EIF2AK4: variants seen among roughly 807,000 people sequenced by gnomAD.
EIF2AK4 encodes eukaryotic translation initiation factor 2 alpha kinase 4, also known as eIF-2-alpha kinase GCN2.
Under a neutral mutation model 211.1 loss-of-function variants are expected in EIF2AK4, and 139 were observed. That is an observed-to-expected ratio of 0.66 (90% CI 0.57 to 0.76). The LOEUF (loss-of-function observed/expected upper bound fraction) is 0.76, where lower values mean the gene tolerates loss of function less well. Among genes scored for constraint, EIF2AK4 ranks in the 30% least tolerant of loss-of-function variants. The pLI, the probability that EIF2AK4 is intolerant of heterozygous loss-of-function variation, is 0.00. For synonymous variants in EIF2AK4, 710 were observed against 751.3 expected, an observed-to-expected ratio of 0.94 and a Z score of 0.90; for missense variants, 1,664 against 2,043.8, an observed-to-expected ratio of 0.81 and a Z score of 3.58.
intron 30 of EIF2AK4, among the ~76,000 whole-genome samples, chr15:40,019,408 C>T (rs1019406937): frequency 2.6e-5 from 4 of 152,164 alleles, no homozygotes; most frequent in South Asian, 2.1e-4. Flanking sequence ...TCTAGCTGGA[C>T]GACCTTAGAC....
chr15:39,972,923 T>C lies in EIF2AK4; in HGVS notation c.1569T>C (p.Asp523=). 6.2e-7 allele frequency: 1 copy of C among 1,613,998 alleles called. No individual in the cohort carries two copies. Among genetic ancestry groups the C allele is most frequent in the Middle Eastern group, 1.6e-4 (1 of 6,062 alleles). The change falls in exon 10 of 39, where the codon GAT becomes GAC. Residue 523 remains aspartate (D), a synonymous_variant. Transcript: ENST00000263791. ...TCTCACCGAGATGTGTGTGCTTGGA[T>C]GACAAGGAAAGATGGAGTCCCCAGC... ...QDFLKKCVCL[D]DKERWSPQQL...
chr15:39,959,967 G>A (rs113826454), intron 6 of EIF2AK4, among the ~76,000 whole-genome samples: 1 of 152,098 alleles, frequency 6.6e-6, no homozygotes, highest in South Asian at 2.1e-4. Context: ...ATCGAGACCA[G>A]CCTGGCTAAC....
chr15:39,995,526 G>A (rs1048278962), intron 18 of EIF2AK4, among the ~76,000 whole-genome samples: 5 of 151,928 alleles, frequency 3.3e-5, no homozygotes, highest in African/African-American at 1.2e-4. Context: ...CTTCTCCTTC[G>A]TGGCACCCTA....
At chr15:39,939,047 T>G (rs2034107153) in intron 1 of EIF2AK4, among the ~76,000 whole-genome samples, 1 of 152,136 alleles carries the variant, frequency 6.6e-6, no homozygotes, top group South Asian at 2.1e-4. Flanking sequence ...GCTCGCAGAG[T>G]CCTTCACTGA....
At chr15:40,024,448 A>T (rs548793143) in intron 32 of EIF2AK4, among the ~76,000 whole-genome samples, 2 of 122,962 alleles carry the variant, frequency 1.6e-5, no homozygotes, top group Admixed American at 1.1e-4. Flanking sequence ...TTGCTCTGTC[A>T]CGCAGGCTGG....
intron 11 of EIF2AK4, 134 bp from the exon 12 acceptor site, chr15:39,976,280 G>A: frequency 1.1e-6 from 1 of 886,754 alleles, no homozygotes; most frequent in East Asian, 3.1e-5. Flanking sequence ...AAGAATTTCA[G>A]GCATGTGGTT....
chr15:39,936,505 C>G (rs890195615), intron 1 of EIF2AK4, among the ~76,000 whole-genome samples: 1 of 152,150 alleles, frequency 6.6e-6, no homozygotes, highest in Non-Finnish European at 1.5e-5. Context: ...CTCCACCTCC[C>G]AGGTTCAAGC....
At chr15:39,986,644 A>G (rs921606203) in intron 14 of EIF2AK4, among the ~76,000 whole-genome samples, 2 of 152,230 alleles carry the variant, frequency 1.3e-5, no homozygotes, top group Non-Finnish European at 2.9e-5. Context: ...ACCTGAGGTC[A>G]GGAGTTTGAG....
intron 27 of EIF2AK4, among the ~76,000 whole-genome samples, chr15:40,011,680 C>A (rs951088084): frequency 3.3e-5 from 5 of 152,150 alleles, no homozygotes; most frequent in African/African-American, 1.2e-4. Context: ...ACCAGTTGTC[C>A]TCTTTTGAAT....
chr15:40,017,773 C>T (rs1430262287), intron 29 of EIF2AK4, among the ~76,000 whole-genome samples: 8 of 151,632 alleles, frequency 5.3e-5, no homozygotes, highest in African/African-American at 1.9e-4. Context: ...TCTCAAACTC[C>T]TGAGCTCAAG....
At position 40,035,265 on chromosome 15, in the gene EIF2AK4, T is replaced by G; in HGVS notation, c.*181T>G. ...CAGGAAGACTGCTTGAAACCAGGAG[T>G]TTGAGACCAGCCTGAGCAACAAAGC... On this transcript the variant is annotated 3_prime_UTR_variant, in exon 39 of 39. Coordinates refer to ENST00000263791, the MANE Select transcript of EIF2AK4 (RefSeq NM_001013703.4). The G allele has an allele frequency of 2.5e-6, 1 of 404,092 alleles. No homozygotes were observed. The highest frequency in any genetic ancestry group is 4.3e-6 in the Non-Finnish European group (1 of 230,456). The allele number at this position is 404,092 out of a possible 1,614,324, so 25.0% of individuals were successfully genotyped here. A position where few individuals can be genotyped will look rare whatever the true frequency, so the allele number is the denominator to read the frequency against.
intron 6 of EIF2AK4, among the ~76,000 whole-genome samples, chr15:39,956,712 TGA>T (rs2034397372): frequency 6.6e-6 from 1 of 152,266 alleles, no homozygotes. Flanking sequence ...AAACCATTTA[TGA>T]GTGGGGTGGG....
chr15:39,989,787 G>T (rs1232365472), intron 15 of EIF2AK4, among the ~76,000 whole-genome samples: 1 of 152,234 alleles, frequency 6.6e-6, no homozygotes, highest in African/African-American at 2.4e-5. Flanking sequence ...CACCTACTGT[G>T]TGTGCTGGGG....
chr15:40,005,138 A>C (rs2035143349), intron 23 of EIF2AK4, among the ~76,000 whole-genome samples: 1 of 152,256 alleles, frequency 6.6e-6, no homozygotes. Context: ...CGCATAGGCT[A>C]TAGGCAAATG....
chr15:40,009,303 G>C (rs2035205770), intron 25 of EIF2AK4, among the ~76,000 whole-genome samples: 1 of 151,702 alleles, frequency 6.6e-6, no homozygotes, highest in South Asian at 2.1e-4. Context: ...TCCCCAGGCT[G>C]GTCTTGAACT....
intron 5 of EIF2AK4, 143 bp from the exon 6 acceptor site, chr15:39,955,477 G>A (rs1345552403): frequency 3.8e-6 from 3 of 785,558 alleles, no homozygotes; most frequent in South Asian, 2.0e-5. Flanking sequence ...TATTTTAAAC[G>A]ATTAAAAGTT....
chr15:39,944,183 T>A (rs1319418413), intron 3 of EIF2AK4, among the ~76,000 whole-genome samples: 1 of 152,178 alleles, frequency 6.6e-6, no homozygotes, highest in Non-Finnish European at 1.5e-5. Context: ...GTCTGTCATA[T>A]ACCTGAGCAT....
intron 37 of EIF2AK4, 23 bp downstream of exon 37, chr15:40,032,824 C>T (rs1391642009): frequency 6.2e-7 from 1 of 1,602,326 alleles, no homozygotes; most frequent in Non-Finnish European, 8.5e-7. Context: ...AACTCTTCTG[C>T]ACTGTGGCCT....
intron 2 of EIF2AK4, among the ~76,000 whole-genome samples, chr15:39,941,712 TG>T (rs1431909166): frequency 6.6e-6 from 1 of 152,204 alleles, no homozygotes; most frequent in Non-Finnish European, 1.5e-5. Context: ...CTCTTTGTTG[TG>T]GGGTCCTTCC....
Sources: gnomAD v4.1 joint callset for allele counts (sites outside exome capture counted in the v4.1 genomes callset) on GRCh38, gnomAD v4.1.1 for gene constraint, MANE v1.5 for transcripts, NCBI Gene and HGNC (gene_info 2026-07-23, HGNC 2026-07-21) for gene names.